The following ZNF248 variants were observed in gnomAD, a reference collection of about 807,000 sequenced individuals.
The protein encoded by ZNF248 is KRAB protein domain.
A neutral mutation model predicts 44.3 loss-of-function variants in ZNF248; 20 were observed. The observed-to-expected ratio is 0.45, with a 90% CI of 0.32 to 0.66. ZNF248 has a LOEUF of 0.66. Among genes scored for constraint, ZNF248 ranks in the 30% least tolerant of loss-of-function variants. The pLI is 0.04. For synonymous variants in ZNF248, 224 were observed against 229.0 expected, an observed-to-expected ratio of 0.98 and a Z score of 0.20; for missense variants, 654 against 677.0, an observed-to-expected ratio of 0.97 and a Z score of 0.38.
At position 37,831,576 on chromosome 10, in the gene ZNF248, G is replaced by T. The variant is rs1303481508; in HGVS notation, c.*39C>A. 1.9e-6 allele frequency: 3 copies of T among 1,586,634 alleles called. No homozygotes were observed. Among genetic ancestry groups the T allele is most frequent in the Admixed American group, 1.8e-5 (1 of 55,458 alleles). On this transcript the variant is annotated 3_prime_UTR_variant, in exon 6 of 6. Transcript: ENST00000395867. Reference sequence around the variant, plus strand: ...TTCTCTGATCTCCTTTTTTGAAACTGTATAACCAATTTCACAAGTGTATGA... The same window carrying T: ...TTCTCTGATCTCCTTTTTTGAAACTTTATAACCAATTTCACAAGTGTATGA...
At chr10:37,779,632 C>T (rs1198453440) in intron 6 of ZNF248, among the ~76,000 whole-genome samples, 3 of 151,896 alleles carry the variant, frequency 2.0e-5, no homozygotes, top group Non-Finnish European at 4.4e-5. Context: ...TCTCACCACT[C>T]CTATTCAACA....
intron 6 of ZNF248, among the ~76,000 whole-genome samples, chr10:37,797,105 T>C (rs2049250645): frequency 6.6e-6 from 1 of 152,180 alleles, no homozygotes; most frequent in Non-Finnish European, 1.5e-5. Context: ...AGCTAAGGCA[T>C]ATAAAGATTA....
chr10:37,826,255 T>C (rs150192792), downstream of ZNF248, among the ~76,000 whole-genome samples: 65 of 152,208 alleles, frequency 4.3e-4, no homozygotes, highest in Admixed American at 7.2e-4. Context: ...AAAACTATCA[T>C]GACACACAGA....
intron 3 of ZNF248, among the ~76,000 whole-genome samples, chr10:37,842,862 T>C (rs987530711): frequency 6.6e-6 from 1 of 152,050 alleles, no homozygotes; most frequent in Non-Finnish European, 1.5e-5. Flanking sequence ...TCCAGAAACA[T>C]ACCCAAGGCA....
At chr10:37,837,501 G>C in intron 5 of ZNF248, 116 bp downstream of exon 5, 9 of 787,542 alleles carry the variant, frequency 1.1e-5, no homozygotes, top group Non-Finnish European at 1.8e-5. Flanking sequence ...CATTTCCAAA[G>C]GTCTGGGGCT....
At chr10:37,762,984 T>A in the ZNF248 span, among the ~76,000 whole-genome samples, 1 of 152,232 alleles carries the variant, frequency 6.6e-6, no homozygotes. Flanking sequence ...CTGTTGGGCT[T>A]CTTTATTGAA....
intron 6 of ZNF248, among the ~76,000 whole-genome samples, chr10:37,788,911 T>C (rs959178578): frequency 2.0e-5 from 3 of 151,644 alleles, no homozygotes; most frequent in African/African-American, 7.3e-5. Context: ...TCACTTTGTC[T>C]CCCAGGCTGG....
the ZNF248 span, among the ~76,000 whole-genome samples, chr10:37,770,063 C>A: frequency 6.6e-6 from 1 of 152,150 alleles, no homozygotes; most frequent in Admixed American, 6.5e-5. Context: ...ATCCAACTTA[C>A]AAGGGATGTG....
At chr10:37,817,148 G>A (rs2133531015) in intron 6 of ZNF248, among the ~76,000 whole-genome samples, 1 of 152,236 alleles carries the variant, frequency 6.6e-6, no homozygotes, top group South Asian at 2.1e-4. Flanking sequence ...GGAGCTGGGA[G>A]GCAAGGGAGC....
At chr10:37,824,398 G>C (rs996451953), downstream of ZNF248, among the ~76,000 whole-genome samples, 4 of 151,962 alleles carry the variant, frequency 2.6e-5, no homozygotes, top group Admixed American at 1.3e-4. Context: ...CAAGCATCTG[G>C]GCACCCCATG....
intron 5 of ZNF248, among the ~76,000 whole-genome samples, chr10:37,834,261 G>A (rs1484535255): frequency 6.6e-6 from 1 of 152,032 alleles, no homozygotes; most frequent in African/African-American, 2.4e-5. Context: ...ATAATTCATT[G>A]TAACATAAAA....
At chr10:37,763,811 G>A in the ZNF248 span, among the ~76,000 whole-genome samples, 1 of 152,218 alleles carries the variant, frequency 6.6e-6, no homozygotes. Flanking sequence ...TGTCTTTACT[G>A]CAATCTCTGA....
chr10:37,801,835 G>A (rs1258308918), intron 6 of ZNF248, among the ~76,000 whole-genome samples: 1 of 152,158 alleles, frequency 6.6e-6, no homozygotes, highest in Non-Finnish European at 1.5e-5. Flanking sequence ...TTAAGGGCAT[G>A]CAGACCATTC....
At chr10:37,858,050 A>T (rs1353621683), upstream of ZNF248, 1 of 152,244 alleles carries the variant, frequency 6.6e-6, no homozygotes, top group East Asian at 1.9e-4. Context: ...GTTTCCCACA[A>T]GGGACTGGAG....
At chr10:37,820,198 T>C in intron 6 of ZNF248, 1 of 1,277,610 alleles carries the variant, frequency 7.8e-7, no homozygotes, top group South Asian at 1.2e-5. Context: ...GCAGATATTT[T>C]TTATATTGTG....
the ZNF248 span, among the ~76,000 whole-genome samples, chr10:37,769,512 T>A: frequency 1.3e-5 from 2 of 152,094 alleles, no homozygotes; most frequent in African/African-American, 4.8e-5. Context: ...ACAGAACCAA[T>A]GACAAAAACC....
rs1290034860 is a variant in ZNF248 at position 37,844,143 on chromosome 10, TAAC to T, written c.16-6035_16-6033del. ...TATTATCAAACTATCAAAAGCCAAA[TAAC>T]AACCACAGAGGTCAGACACCATAGA... On this transcript the variant is annotated intron_variant, in intron 3 of 5. Coordinates refer to ENST00000395867, the MANE Select transcript of ZNF248 (RefSeq NM_021045.3). 5.9e-5 allele frequency among the ~76,000 whole-genome samples: 9 copies of T among 151,940 alleles called. 1 individual carries two copies. Among genetic ancestry groups the T allele is most frequent in the South Asian group, 4.2e-4 (2 of 4,812 alleles).
chr10:37,793,939 T>A (rs1241942981), intron 6 of ZNF248, among the ~76,000 whole-genome samples: 4 of 152,308 alleles, frequency 2.6e-5, no homozygotes, highest in African/African-American at 9.6e-5. Flanking sequence ...ATAATTTTTT[T>A]AAATCTTGTC....
At chr10:37,779,587 C>A (rs1007118052) in intron 6 of ZNF248, among the ~76,000 whole-genome samples, 2 of 151,630 alleles carry the variant, frequency 1.3e-5, no homozygotes, top group African/African-American at 2.4e-5. Context: ...TGGAAGCATT[C>A]CCTTTGAAAA....
Sources: allele counts gnomAD v4.1 joint callset (sites outside exome capture counted in the v4.1 genomes callset), GRCh38; gene constraint gnomAD v4.1.1; transcripts MANE v1.5; gene names NCBI Gene and HGNC (gene_info 2026-07-23, HGNC 2026-07-21).